Variants in KREMEN1 observed in about 807,000 individuals in gnomAD.
The protein encoded by KREMEN1 is kringle containing transmembrane protein 1.
KREMEN1 carries 30 observed loss-of-function variants against 46.5 expected under a neutral mutation model. That is an observed-to-expected ratio of 0.65 (90% confidence interval 0.48 to 0.88). KREMEN1 has a LOEUF of 0.88. Ranked by LOEUF, KREMEN1 falls within the 40% of genes least tolerant of loss-of-function variation. KREMEN1 has a pLI of 0.00. For missense variants in KREMEN1, 533 were observed against 596.9 expected (o/e 0.89, Z 1.11); for synonymous variants, 214 against 230.6 (o/e 0.93, Z 0.65).
At chr22:29,129,219 T>C (rs6006003) in intron 5 of KREMEN1, among the ~76,000 whole-genome samples, 7,751 of 151,874 alleles carry the variant, frequency 0.051, 669 homozygotes, top group African/African-American at 0.18. Flanking sequence ...GGCACAGGGG[T>C]GCACACCTGT....
chr22:29,093,245 G>A (rs886798258), intron 1 of KREMEN1, among the ~76,000 whole-genome samples: 21 of 152,164 alleles, frequency 1.4e-4, no homozygotes, highest in Admixed American at 6.5e-5. Context: ...CCTTAATACT[G>A]GAAGTTATAG....
chr22:29,079,708 C>T (rs1192670863), intron 1 of KREMEN1, among the ~76,000 whole-genome samples: 1 of 152,204 alleles, frequency 6.6e-6, no homozygotes, highest in Non-Finnish European at 1.5e-5. Flanking sequence ...TGATTCAGAG[C>T]GGCTGTAGCT....
At chr22:29,131,667 T>A (rs1025371014) in intron 5 of KREMEN1, among the ~76,000 whole-genome samples, 3 of 128,442 alleles carry the variant, frequency 2.3e-5, no homozygotes, top group Non-Finnish European at 4.7e-5. Context: ...TATATATACA[T>A]GTATATATAT....
intron 9 of KREMEN1, among the ~76,000 whole-genome samples, chr22:29,158,613 G>T (rs1204176563): frequency 1.3e-5 from 2 of 152,150 alleles, no homozygotes; most frequent in Admixed American, 1.3e-4. Context: ...CATTTTCCAA[G>T]AAGGGGCCCC....
chr22:29,078,085 C>T (rs1381376774), intron 1 of KREMEN1, among the ~76,000 whole-genome samples: 7 of 151,894 alleles, frequency 4.6e-5, no homozygotes, highest in Admixed American at 1.3e-4. Context: ...GACCCTGTCT[C>T]TGTAAAACCC....
At chr22:29,087,759 T>G (rs2037751244) in intron 1 of KREMEN1, among the ~76,000 whole-genome samples, 1 of 152,298 alleles carries the variant, frequency 6.6e-6, no homozygotes, top group Admixed American at 6.5e-5. Flanking sequence ...GAGATGGGGT[T>G]TCTCCATATT....
chr22:29,159,392 G>A (rs1042532436), intron 9 of KREMEN1, among the ~76,000 whole-genome samples: 11 of 152,050 alleles, frequency 7.2e-5, no homozygotes, highest in Non-Finnish European at 1.3e-4. Context: ...AGGTTGAGGC[G>A]GGTGGATCTT....
At chr22:29,107,820 C>T (rs1406361435) in intron 3 of KREMEN1, among the ~76,000 whole-genome samples, 3 of 152,126 alleles carry the variant, frequency 2.0e-5, no homozygotes, top group Admixed American at 2.0e-4. Context: ...GAGCTCGCAT[C>T]ACAGGCACCC....
intron 3 of KREMEN1, among the ~76,000 whole-genome samples, chr22:29,104,255 C>T (rs756205081): frequency 1.3e-5 from 2 of 151,486 alleles, no homozygotes; most frequent in Non-Finnish European, 2.9e-5. Context: ...CCTCTAGGCT[C>T]AAACAGTCTT....
intron 5 of KREMEN1, among the ~76,000 whole-genome samples, chr22:29,131,411 A>T (rs1163404477): frequency 6.7e-6 from 1 of 150,256 alleles, no homozygotes; most frequent in Admixed American, 6.6e-5. Flanking sequence ...TATATAAGCA[A>T]TCGAGATTAG....
At chr22:29,127,911 T>G (rs2038471587) in intron 5 of KREMEN1, among the ~76,000 whole-genome samples, 1 of 152,074 alleles carries the variant, frequency 6.6e-6, no homozygotes, top group Non-Finnish European at 1.5e-5. Flanking sequence ...TAAAAATAAA[T>G]AAAGTACTGA....
intron 8 of KREMEN1, 52 bp downstream of exon 8, chr22:29,140,418 C>T (rs750079950): frequency 6.9e-6 from 9 of 1,303,968 alleles, no homozygotes; most frequent in Non-Finnish European, 8.9e-6. Flanking sequence ...GCTCAGAGTT[C>T]ATTTTCTATG....
chr22:29,150,225 G>C (rs868838247), downstream of KREMEN1, among the ~76,000 whole-genome samples: 4,057 of 152,322 alleles, frequency 0.027, 142 homozygotes, highest in African/African-American at 0.078. Context: ...AACTGGTGGG[G>C]GGGGGGGCAG....
At chr22:29,152,009 TAAAAA>T (rs132285) in intron 9 of KREMEN1, among the ~76,000 whole-genome samples, 2 of 132,680 alleles carry the variant, frequency 1.5e-5, no homozygotes, top group African/African-American at 5.7e-5. Context: ...GACTCTGTCT[TAAAAA>T]AAAAAAAAAA....
At chr22:29,110,852 G>A (rs925428482) in intron 3 of KREMEN1, among the ~76,000 whole-genome samples, 23 of 152,110 alleles carry the variant, frequency 1.5e-4, no homozygotes, top group African/African-American at 2.4e-5. Flanking sequence ...GTGAGCTTAC[G>A]GTCACGGGTC....
intron 4 of KREMEN1, among the ~76,000 whole-genome samples, chr22:29,123,107 C>T (rs1169629863): frequency 3.3e-5 from 5 of 151,524 alleles, no homozygotes; most frequent in African/African-American, 7.3e-5. Context: ...TTCTAGAAGA[C>T]GATATAAGAG....
intron 3 of KREMEN1, among the ~76,000 whole-genome samples, chr22:29,107,696 C>T (rs888079228): frequency 6.6e-6 from 1 of 151,956 alleles, no homozygotes; most frequent in African/African-American, 2.4e-5. Context: ...CTAGCCTGGG[C>T]AACATAGGGA....
chr22:29,153,493 C>T (rs1203830881), intron 9 of KREMEN1, among the ~76,000 whole-genome samples: 1 of 152,076 alleles, frequency 6.6e-6, no homozygotes, highest in Non-Finnish European at 1.5e-5. Context: ...GGACCACAGG[C>T]GTGGGCTGCT....
At chr22:29,152,836 G>T (rs1356134601) in intron 9 of KREMEN1, among the ~76,000 whole-genome samples, 1 of 152,214 alleles carries the variant, frequency 6.6e-6, no homozygotes, top group African/African-American at 2.4e-5. Context: ...GCTTGAAGCA[G>T]GAAGGAACTC....
Sources: allele counts gnomAD v4.1 joint callset (sites outside exome capture counted in the v4.1 genomes callset), GRCh38; gene constraint gnomAD v4.1.1; transcripts MANE v1.5; gene names NCBI Gene and HGNC (gene_info 2026-07-23, HGNC 2026-07-21).